ZNF532: variants seen among roughly 807,000 people sequenced by gnomAD.
ZNF532 encodes the protein zinc finger protein 532.
In ZNF532, 22 loss-of-function variants were observed where a neutral mutation model predicts 89.3. The observed-to-expected ratio is 0.25, with a 90% CI of 0.18 to 0.35. The LOEUF is 0.35. Among genes scored for constraint, ZNF532 ranks in the 10% least tolerant of loss-of-function variants. ZNF532 has a pLI of 1.00. For missense variants in ZNF532, 1,132 were observed against 1,643.4 expected, an observed-to-expected ratio of 0.69 and a Z score of 5.38; for synonymous variants, 606 against 649.6, an observed-to-expected ratio of 0.93 and a Z score of 1.02.
chr18:58,901,271 T>C (rs2059584792), intron 2 of ZNF532, among the ~76,000 whole-genome samples: 2 of 152,316 alleles, frequency 1.3e-5, no homozygotes, highest in South Asian at 4.1e-4. Context: ...TTTTTTTCTT[T>C]TTTAGAGATG....
rs1037121019 is a variant in ZNF532 at position 58,942,381 on chromosome 18, T to C, written c.2705+2760T>C. On this transcript the variant is annotated intron_variant, in intron 5 of 9. Coordinates refer to ENST00000591808, the MANE Select transcript of ZNF532 (RefSeq NM_001375912.1). ...TTCCTTCCTTCCTTCCTTCCTTCCT[T>C]CCTTCCTTCCTTCCTTCCTTCCTTC... 6.6e-3 allele frequency among the ~76,000 whole-genome samples: 853 copies of C among 129,224 alleles called. 18 individuals are homozygous for C. Among genetic ancestry groups the C allele is most frequent in the Middle Eastern group, 0.011 (3 of 262 alleles). The allele number at this position is 129,224 out of a possible 152,430, so 84.8% of individuals were successfully genotyped here.
intron 7 of ZNF532, among the ~76,000 whole-genome samples, chr18:58,978,551 T>C (rs761864145): frequency 1.3e-5 from 2 of 152,168 alleles, no homozygotes; most frequent in Non-Finnish European, 2.9e-5. Context: ...TTTTTTACCC[T>C]TATGATAGTT....
At chr18:58,963,868 C>G (rs1568435311) in intron 7 of ZNF532, among the ~76,000 whole-genome samples, 2 of 151,584 alleles carry the variant, frequency 1.3e-5, no homozygotes, top group Non-Finnish European at 2.9e-5. Flanking sequence ...CCCACACAAC[C>G]TGGAACCTAG....
chr18:58,901,726 A>G (rs923955351), intron 2 of ZNF532, among the ~76,000 whole-genome samples: 1 of 152,148 alleles, frequency 6.6e-6, no homozygotes, highest in African/African-American at 2.4e-5. Flanking sequence ...AGCATGGCCT[A>G]AGGATTGCCC....
intron 3 of ZNF532, among the ~76,000 whole-genome samples, chr18:58,924,526 G>C (rs1161762845): frequency 6.6e-6 from 1 of 152,198 alleles, no homozygotes; most frequent in Non-Finnish European, 1.5e-5. Context: ...CAGCTCCTTG[G>C]TTTACTGGGT....
intron 7 of ZNF532, among the ~76,000 whole-genome samples, chr18:58,969,684 C>T (rs1011716106): frequency 1.3e-5 from 2 of 152,026 alleles, no homozygotes; most frequent in African/African-American, 4.8e-5. Context: ...GCTTTTTTGA[C>T]ATTTGTGTTT....
rs548437209 is a variant in ZNF532 at position 58,919,218 on chromosome 18, G to A, written c.931G>A (p.Ala311Thr). 7.4e-6 allele frequency: 12 copies of A among 1,614,030 alleles called. No individual in the cohort carries two copies. In the East Asian group the frequency reaches 8.9e-5, roughly 12 times the overall value. The change falls in exon 3 of 10, where the codon GCT (alanine) becomes ACT (threonine). Residue 311 changes from alanine to threonine, a missense_variant. Ala to Thr is a moderately conservative substitution (Grantham distance 58). Transcript: ENST00000591808. The surrounding 1 kb of genome is among the most constrained non-coding windows in gnomAD (Gnocchi z 6.1). The part of the protein sequence containing the change: ...PKEVNDSPRA[A>T]DKSPESQNLI... Reference sequence around the variant, plus strand: ...AGAAGTAAATGACAGTCCGAGAGCCGCTGACAAGTCTCCTGAATCCCAGAA... The same window carrying A: ...AGAAGTAAATGACAGTCCGAGAGCCACTGACAAGTCTCCTGAATCCCAGAA...
At chr18:58,922,198 TA>T (rs2061156784) in intron 3 of ZNF532, among the ~76,000 whole-genome samples, 1 of 152,224 alleles carries the variant, frequency 6.6e-6, no homozygotes, top group Non-Finnish European at 1.5e-5. Flanking sequence ...TATAAAGATT[TA>T]ACAGTAAACT....
chr18:58,894,307 A>G (rs1316283213), intron 2 of ZNF532, among the ~76,000 whole-genome samples: 2 of 152,060 alleles, frequency 1.3e-5, no homozygotes, highest in African/African-American at 4.8e-5. Flanking sequence ...TCTACTGAAA[A>G]TACAAAAAAG....
At chr18:58,948,823 C>T (rs961542973) in intron 6 of ZNF532, among the ~76,000 whole-genome samples, 1 of 152,152 alleles carries the variant, frequency 6.6e-6, no homozygotes, top group Non-Finnish European at 1.5e-5. Context: ...TCCCAAAGTG[C>T]TGGGATTATA....
chr18:58,880,769 CGCGT>C (rs1568227646), intron 2 of ZNF532, among the ~76,000 whole-genome samples: 6 of 131,108 alleles, frequency 4.6e-5, no homozygotes, highest in African/African-American at 1.7e-4. Context: ...CGCACGCGCG[CGCGT>C]CTGTGTGTGT....
upstream of ZNF532, chr18:58,863,770 G>C (rs893004792): frequency 6.6e-6 from 1 of 151,772 alleles, no homozygotes; most frequent in Non-Finnish European, 1.5e-5. Flanking sequence ...CGCCTCTGGG[G>C]GTGCGGGGCG....
intron 2 of ZNF532, among the ~76,000 whole-genome samples, chr18:58,877,868 A>T (rs987287093): frequency 3.3e-5 from 5 of 152,266 alleles, no homozygotes; most frequent in Admixed American, 1.3e-4. Flanking sequence ...GAACTATGGA[A>T]GTTAGTCACA....
intron 4 of ZNF532, among the ~76,000 whole-genome samples, chr18:58,939,122 C>A (rs1397077829): frequency 6.6e-6 from 1 of 151,794 alleles, no homozygotes; most frequent in Non-Finnish European, 1.5e-5. Context: ...TGGTACACAC[C>A]TGTAATCCCA....
intron 2 of ZNF532, among the ~76,000 whole-genome samples, chr18:58,882,442 AAG>A (rs2058000563): frequency 6.6e-6 from 1 of 151,918 alleles, no homozygotes; most frequent in African/African-American, 2.4e-5. Flanking sequence ...CCAGTTCCTA[AAG>A]AGAATATATT....
intron 2 of ZNF532, among the ~76,000 whole-genome samples, chr18:58,893,167 C>T (rs888008505): frequency 3.3e-5 from 5 of 151,758 alleles, no homozygotes; most frequent in African/African-American, 9.7e-5. Context: ...TTAGCAGAGG[C>T]GGGGTTTCAT....
chr18:58,873,579 G>A lies in ZNF532; in HGVS notation c.-18+8000G>A, dbSNP rs987715440. ...TTCTCCTGCCTCAGCCTCCCAAATA[G>A]CTGGTATTAAAGGCGCCTGCCACCA... On this transcript the variant is annotated intron_variant, in intron 2 of 9. Coordinates refer to ENST00000591808, the MANE Select transcript of ZNF532 (RefSeq NM_001375912.1). Among the ~76,000 whole-genome samples, 54 of 152,130 alleles carry A rather than the reference G, an allele frequency of 3.5e-4. 1 individual carries two copies. Among genetic ancestry groups the A allele is most frequent in the African/African-American group, 1.3e-3 (53 of 41,480 alleles).
At chr18:58,904,203 TAGTC>T (rs769338895) in intron 2 of ZNF532, among the ~76,000 whole-genome samples, 35 of 151,808 alleles carry the variant, frequency 2.3e-4, no homozygotes, top group Non-Finnish European at 4.0e-4. Context: ...ATATAAAAAT[TAGTC>T]AGGTGTGGTG....
At chr18:58,914,420 A>G (rs746770893) in intron 2 of ZNF532, among the ~76,000 whole-genome samples, 4 of 152,236 alleles carry the variant, frequency 2.6e-5, no homozygotes, top group Non-Finnish European at 4.4e-5. Flanking sequence ...GGTGGCTCAC[A>G]TCTGTAATCC....
Sources: gnomAD v4.1 joint callset for allele counts (sites outside exome capture counted in the v4.1 genomes callset) on GRCh38, gnomAD v4.1.1 for gene constraint, Gnocchi (gnomAD v3.1) non-coding constraint, MANE v1.5 for transcripts, NCBI Gene and HGNC (gene_info 2026-07-23, HGNC 2026-07-21) for gene names.